The following CNTN5 variants were observed in gnomAD, a reference collection of about 807,000 sequenced individuals.
CNTN5 encodes contactin-5.
In CNTN5, 77 loss-of-function variants were observed where a neutral mutation model predicts 129.1. The ratio of observed to expected loss-of-function variants is 0.60; its 90% CI spans 0.50 to 0.72. CNTN5 has a LOEUF of 0.72. Ranked by LOEUF, CNTN5 falls within the 30% of genes least tolerant of loss-of-function variation. CNTN5 has a pLI of 0.00. For missense variants in CNTN5, 1,478 were observed against 1,328.8 expected, an observed-to-expected ratio of 1.11 and a Z score of -1.75; for synonymous variants, 509 against 465.6, an observed-to-expected ratio of 1.09 and a Z score of -1.20.
chr11:99,315,312 C>T (rs988546597), intron 1 of CNTN5, among the ~76,000 whole-genome samples: 3 of 149,462 alleles, frequency 2.0e-5, no homozygotes, highest in African/African-American at 7.3e-5. Context: ...CCTACAAATG[C>T]TTCTGTTCCT....
intron 7 of CNTN5, among the ~76,000 whole-genome samples, chr11:99,942,474 G>A (rs546588336): frequency 6.6e-6 from 1 of 152,148 alleles, no homozygotes; most frequent in East Asian, 1.9e-4. Context: ...AGTTAATGAT[G>A]TATCTACAAA....
intron 3 of CNTN5, among the ~76,000 whole-genome samples, chr11:99,659,357 A>G (rs1166404260): frequency 6.6e-6 from 1 of 152,194 alleles, no homozygotes; most frequent in African/African-American, 2.4e-5. Flanking sequence ...TTTGGATACC[A>G]TAAGATATAT....
At chr11:100,222,765 T>C (rs966989023) in intron 15 of CNTN5, among the ~76,000 whole-genome samples, 1 of 152,082 alleles carries the variant, frequency 6.6e-6, no homozygotes. Context: ...GGCCTCACCT[T>C]AGATTTACCT....
intron 13 of CNTN5, among the ~76,000 whole-genome samples, chr11:100,076,671 A>AT (rs35251239): frequency 0.045 from 6,692 of 148,640 alleles, 159 homozygotes; most frequent in African/African-American, 0.07. Context: ...CTAAAATGTA[A>AT]TTTTTTTTTT....
In CNTN5 at chr11:99,028,888, G is replaced by A. The variant is rs1393918118; in HGVS notation, c.-210+7618G>A. 2.0e-5 allele frequency among the ~76,000 whole-genome samples: 3 copies of A among 151,840 alleles called. No individual in the cohort carries two copies. In the East Asian group the frequency reaches 5.8e-4, roughly 29 times the overall value. ...TTGCTTATATGGCCGTTTCCAAATA[G>A]TAATAGTAGTAATAGTGGCAGAAGT... is the stretch of plus-strand genomic sequence containing the variant. On this transcript the variant is annotated intron_variant, in intron 1 of 24. Transcript: ENST00000524871.
chr11:100,171,860 T>C (rs1947837676), intron 13 of CNTN5, among the ~76,000 whole-genome samples: 1 of 151,954 alleles, frequency 6.6e-6, no homozygotes, highest in Admixed American at 6.6e-5. Flanking sequence ...AAAAAACCTC[T>C]AATATATAGT....
chr11:99,455,017 C>T (rs368332900), intron 2 of CNTN5, among the ~76,000 whole-genome samples: 17 of 152,164 alleles, frequency 1.1e-4, no homozygotes, highest in African/African-American at 4.1e-4. Flanking sequence ...GAATCTAAAC[C>T]TTGGCAAGGG....
At chr11:99,338,923 T>TATATATATATATATATATATATATCTGTG (rs1565502358) in intron 2 of CNTN5, among the ~76,000 whole-genome samples, 144 of 25,196 alleles carry the variant, frequency 5.7e-3, no homozygotes, top group African/African-American at 0.011. Context: ...TTCACAGATA[T>TATATATATATATATATATATATATCTGTG]ATATATATAT....
At chr11:99,336,827 CAAAAAAAAAG>C (rs1194485355) in intron 2 of CNTN5, among the ~76,000 whole-genome samples, 3 of 135,158 alleles carry the variant, frequency 2.2e-5, no homozygotes, top group Non-Finnish European at 4.8e-5. Context: ...GACTCTGTCT[CAAAAAAAAAG>C]AAAAAAAAAG....
chr11:99,881,297 G>C (rs1335293481), intron 6 of CNTN5, among the ~76,000 whole-genome samples: 2 of 152,106 alleles, frequency 1.3e-5, no homozygotes, highest in East Asian at 3.9e-4. Flanking sequence ...TTTAAGTTTT[G>C]ACAGTTGAAT....
intron 8 of CNTN5, among the ~76,000 whole-genome samples, chr11:100,000,417 T>C (rs554163024): frequency 6.6e-6 from 1 of 152,322 alleles, no homozygotes; most frequent in African/African-American, 2.4e-5. Flanking sequence ...CTTGACTCCA[T>C]GTCTCACATG....
intron 18 of CNTN5, among the ~76,000 whole-genome samples, chr11:100,295,499 T>A (rs1364295870): frequency 6.6e-6 from 1 of 151,470 alleles, no homozygotes; most frequent in East Asian, 1.9e-4. Context: ...ATTGGTAAAT[T>A]GTTTTTTTAA....
intron 1 of CNTN5, among the ~76,000 whole-genome samples, chr11:99,173,485 T>C (rs1354773765): frequency 6.6e-6 from 1 of 152,222 alleles, no homozygotes; most frequent in African/African-American, 2.4e-5. Context: ...GGTCAGATTT[T>C]ATTGTTAGAA....
At chr11:99,322,045 T>G (rs1865595969) in intron 1 of CNTN5, among the ~76,000 whole-genome samples, 1 of 152,170 alleles carries the variant, frequency 6.6e-6, no homozygotes, top group South Asian at 2.1e-4. Flanking sequence ...TGTATGTCTA[T>G]TCCCCAGATC....
rs183017133 is a variant in CNTN5 at position 99,711,591 on chromosome 11, C to G, written c.56-107953C>G. Among the ~76,000 whole-genome samples the G allele has an allele frequency of 1.0e-3, 152 of 151,932 alleles. 1 individual carries two copies. Among genetic ancestry groups the G allele is most frequent in the African/African-American group, 3.4e-3 (141 of 41,476 alleles). ...TGGTTTGCTGCACTCATCAGCCCAT[C>G]ATTCACGTTAGGTATTTCTCCTAAT... On this transcript the variant is annotated intron_variant, in intron 3 of 24. Transcript: ENST00000524871.
At chr11:99,249,625 G>A (rs1242198914) in intron 1 of CNTN5, among the ~76,000 whole-genome samples, 1 of 151,876 alleles carries the variant, frequency 6.6e-6, no homozygotes, top group Non-Finnish European at 1.5e-5. Flanking sequence ...TATGTTATTT[G>A]AAATCCAAAT....
chr11:99,476,118 T>C (rs1215965865), intron 2 of CNTN5, among the ~76,000 whole-genome samples: 3 of 152,060 alleles, frequency 2.0e-5, no homozygotes, highest in African/African-American at 7.2e-5. Flanking sequence ...GAATTTGTTG[T>C]CATTCATGTC....
chr11:99,090,240 C>T (rs1405128776), intron 1 of CNTN5, among the ~76,000 whole-genome samples: 1 of 151,524 alleles, frequency 6.6e-6, no homozygotes, highest in Admixed American at 6.6e-5. Flanking sequence ...TTTTTTAATG[C>T]GAATTTTTTT....
chr11:100,070,060 C>T (rs568893881), intron 10 of CNTN5, among the ~76,000 whole-genome samples: 34 of 151,554 alleles, frequency 2.2e-4, no homozygotes, highest in African/African-American at 7.7e-4. Context: ...TATTTCTACC[C>T]GTGCTAATGC....
Sources: allele counts gnomAD v4.1 joint callset (sites outside exome capture counted in the v4.1 genomes callset), GRCh38; gene constraint gnomAD v4.1.1; transcripts MANE v1.5; gene names NCBI Gene and HGNC (gene_info 2026-07-23, HGNC 2026-07-21).